Variants in BEND7 observed in about 807,000 individuals in gnomAD.
BEND7 encodes BEN domain-containing protein 7.
Under a neutral mutation model 50.9 loss-of-function variants are expected in BEND7, and 28 were observed. That is an observed-to-expected ratio of 0.55 (90% confidence interval 0.41 to 0.75). The LOEUF (loss-of-function observed/expected upper bound fraction) is 0.75. Among genes scored for constraint, BEND7 ranks in the 30% least tolerant of loss-of-function variants. The probability of loss-of-function intolerance (pLI) is 0.00; values close to 1 mark genes in which losing one functional copy is unlikely to be tolerated. For missense variants in BEND7, 477 were observed against 491.3 expected (o/e 0.97, Z 0.28); for synonymous variants, 170 against 183.9 (o/e 0.92, Z 0.61).
At chr10:13,462,635 A>G (rs912494529) in intron 6 of BEND7, among the ~76,000 whole-genome samples, 5 of 152,202 alleles carry the variant, frequency 3.3e-5, no homozygotes, top group African/African-American at 1.2e-4. Context: ...TAACATAGAC[A>G]TGAGAGATGG....
intron 6 of BEND7, 82 bp downstream of exon 6, chr10:13,480,817 T>A: frequency 6.3e-7 from 1 of 1,581,966 alleles, no homozygotes; most frequent in Non-Finnish European, 8.6e-7. Context: ...ACTAGTCAGT[T>A]TACTACAATT....
intron 7 of BEND7, among the ~76,000 whole-genome samples, chr10:13,451,548 A>G (rs1316954345): frequency 6.6e-6 from 1 of 152,036 alleles, no homozygotes; most frequent in Admixed American, 6.6e-5. Flanking sequence ...CATAATGGCT[A>G]CACTAATTTA....
At chr10:13,485,306 C>CA (rs1266379751) in intron 5 of BEND7, among the ~76,000 whole-genome samples, 3 of 152,084 alleles carry the variant, frequency 2.0e-5, no homozygotes, top group African/African-American at 7.2e-5. Flanking sequence ...TACATGTGGT[C>CA]ACTGGTTAAA....
At chr10:13,454,351 ATTTCAACAC>A (rs1838449209) in intron 6 of BEND7, among the ~76,000 whole-genome samples, 1 of 152,122 alleles carries the variant, frequency 6.6e-6, no homozygotes, top group Admixed American at 6.5e-5. Flanking sequence ...AATGCCTGTA[ATTTCAACAC>A]TTTATGAGGC....
chr10:13,479,382 C>T (rs1195303742), intron 6 of BEND7, among the ~76,000 whole-genome samples: 3 of 152,130 alleles, frequency 2.0e-5, no homozygotes, highest in Non-Finnish European at 4.4e-5. Context: ...CATCGATCCA[C>T]TTGTCACAAT....
chr10:13,502,906 C>T, intron 2 of BEND7: 2 of 985,600 alleles, frequency 2.0e-6, no homozygotes, highest in Non-Finnish European at 2.4e-6. Context: ...CACTAACTGA[C>T]ACATCACAGG....
intron 7 of BEND7, among the ~76,000 whole-genome samples, chr10:13,448,038 A>G (rs1836804137): frequency 6.6e-6 from 1 of 152,200 alleles, no homozygotes. Flanking sequence ...TTCAGATCCT[A>G]GAACTGCCAA....
chr10:13,448,485 A>C (rs535757370), intron 7 of BEND7, among the ~76,000 whole-genome samples: 42 of 152,316 alleles, frequency 2.8e-4, no homozygotes, highest in Admixed American at 1.6e-3. Flanking sequence ...AGTGCTACGT[A>C]CTTGTTTTTA....
At chr10:13,529,448 T>C (rs982040885), upstream of BEND7, among the ~76,000 whole-genome samples, 4 of 152,128 alleles carry the variant, frequency 2.6e-5, no homozygotes, top group African/African-American at 9.7e-5. Flanking sequence ...GCGCTCTCTC[T>C]AGAAGGACAG....
In BEND7 at chr10:13,499,788, C is replaced by T. The variant is rs373470631; in HGVS notation, c.438G>A (p.Thr146=). 61 of 1,604,476 alleles carry T rather than the reference C, an allele frequency of 3.8e-5. No homozygotes were observed. In the African/African-American group the frequency reaches 4.7e-4, roughly 12 times the overall value. The stretch of plus-strand genomic sequence containing the variant: ...TGTTGACAACCATACCATTGGAGCT[C>T]GTGGTAGGGTGGGGCTGGCTTTGGA... The part of the protein sequence containing the change: ...RTFQSQPHPT[T]SSNGELPVVN... The change falls in exon 3 of 9, where the codon ACG becomes ACA. Residue 146 remains threonine (T), a synonymous_variant. Transcript: ENST00000466271.
chr10:13,494,359 G>C (rs2076888256), intron 4 of BEND7, among the ~76,000 whole-genome samples: 1 of 152,354 alleles, frequency 6.6e-6, no homozygotes, highest in African/African-American at 2.4e-5. Context: ...GGAGGTTGCA[G>C]TGAGCCGAGA....
At chr10:13,507,497 G>A (rs1045092081) in intron 2 of BEND7, among the ~76,000 whole-genome samples, 1 of 152,154 alleles carries the variant, frequency 6.6e-6, no homozygotes, top group Non-Finnish European at 1.5e-5. Flanking sequence ...TAATGAAAAA[G>A]CCAATTGAAC....
chr10:13,478,601 T>C (rs1588847646), intron 6 of BEND7, among the ~76,000 whole-genome samples: 5 of 152,320 alleles, frequency 3.3e-5, no homozygotes, highest in African/African-American at 1.2e-4. Flanking sequence ...TATAATACCA[T>C]AATCTTGGAA....
chr10:13,454,706 A>G (rs1380164753), intron 6 of BEND7, among the ~76,000 whole-genome samples: 1 of 152,176 alleles, frequency 6.6e-6, no homozygotes, highest in Non-Finnish European at 1.5e-5. Flanking sequence ...TTATTGCTGC[A>G]TTGAATTTTT....
rs201579682 is a variant in BEND7, at chr10:13,499,710, T to C, written c.448+68A>G. The C allele has an allele frequency of 2.1e-5, 30 of 1,418,082 alleles. No individual in the cohort carries two copies. The East Asian group carries it at 3.3e-4, about 15-fold the overall frequency. The allele number at this position is 1,418,082 out of a possible 1,614,324, so 87.8% of individuals were successfully genotyped here. A position where few individuals can be genotyped will look rare whatever the true frequency, so the allele number is the denominator to read the frequency against. On this transcript the variant is annotated intron_variant, in intron 3 of 8. Coordinates refer to ENST00000466271, the MANE Select transcript of BEND7 (RefSeq NM_001369863.1). ...GTTTAATAAATTGAACTCAACACAC[T>C]GAATATTTAGAAATAGAACAGTACA...
chr10:13,517,484 G>A (rs920335077), intron 2 of BEND7, among the ~76,000 whole-genome samples: 5 of 152,126 alleles, frequency 3.3e-5, no homozygotes, highest in Non-Finnish European at 7.4e-5. Flanking sequence ...AGAATTTCAA[G>A]CATCACACCT....
intron 5 of BEND7, among the ~76,000 whole-genome samples, chr10:13,482,834 C>T (rs1403235709): frequency 2.6e-5 from 4 of 152,136 alleles, no homozygotes; most frequent in African/African-American, 9.7e-5. Context: ...TCCCTAGATC[C>T]CAGAACAGAG....
intron 2 of BEND7, among the ~76,000 whole-genome samples, chr10:13,520,870 C>T (rs2079035490): frequency 6.6e-6 from 1 of 152,160 alleles, no homozygotes; most frequent in South Asian, 2.1e-4. Context: ...CCAAGTTCTG[C>T]ATCCACAGCT....
At position 13,484,858 on chromosome 10, in the gene BEND7, A is replaced by G. The variant is rs571535456; in HGVS notation, c.838-3734T>C. 1.4e-4 allele frequency among the ~76,000 whole-genome samples: 22 copies of G among 152,298 alleles called. No individual in the cohort carries two copies. In the South Asian group the frequency reaches 3.7e-3, roughly 26 times the overall value. On this transcript the variant is annotated intron_variant, in intron 5 of 8. Transcript: ENST00000466271. Reference sequence around the variant, plus strand: ...GGCATCTTGGCCACTTAGTACAACAATGTATCAAATGCTGACTCTTCCTTA... The same window carrying G: ...GGCATCTTGGCCACTTAGTACAACAGTGTATCAAATGCTGACTCTTCCTTA...
Sources: gnomAD v4.1 joint callset for allele counts (sites outside exome capture counted in the v4.1 genomes callset) on GRCh38, gnomAD v4.1.1 for gene constraint, MANE v1.5 for transcripts, NCBI Gene and HGNC (gene_info 2026-07-23, HGNC 2026-07-21) for gene names.